GRIA1: variants seen among roughly 807,000 people sequenced by gnomAD.
GRIA1 encodes glutamate receptor 1.
Under a neutral mutation model 99.2 loss-of-function variants are expected in GRIA1, and 31 were observed. The observed-to-expected ratio is 0.31, with a 90% CI of 0.23 to 0.42. The LOEUF is 0.42. GRIA1 is among the 10% of genes least tolerant of loss of function. GRIA1 has a pLI of 1.00. For missense variants in GRIA1, 782 were observed against 1,157.5 expected, an observed-to-expected ratio of 0.68 and a Z score of 4.71; for synonymous variants, 438 against 432.4, an observed-to-expected ratio of 1.01 and a Z score of -0.16.
chr5:153,493,006 T>A (rs763866865), intron 1 of GRIA1, among the ~76,000 whole-genome samples: 9 of 152,232 alleles, frequency 5.9e-5, no homozygotes, highest in Admixed American at 6.5e-5. Context: ...TATGTAAACA[T>A]CATTATAGTT....
At chr5:153,770,687 A>G (rs537868115) in intron 13 of GRIA1, among the ~76,000 whole-genome samples, 2 of 152,226 alleles carry the variant, frequency 1.3e-5, no homozygotes, top group East Asian at 3.9e-4. Context: ...GTGAAACATC[A>G]ATGAACCTTG....
intron 7 of GRIA1, among the ~76,000 whole-genome samples, chr5:153,677,879 G>T (rs1756701981): frequency 6.6e-6 from 1 of 152,180 alleles, no homozygotes; most frequent in South Asian, 2.1e-4. Context: ...TGCTCTTGGG[G>T]CTCCTGTAGA....
At chr5:153,497,120 G>A (rs1754514785) in intron 2 of GRIA1, among the ~76,000 whole-genome samples, 1 of 152,086 alleles carries the variant, frequency 6.6e-6, no homozygotes, top group Non-Finnish European at 1.5e-5. Context: ...AGAGTTTGGT[G>A]CCTTCTTCGT....
chr5:153,589,488 A>C (rs1432815556), intron 2 of GRIA1, among the ~76,000 whole-genome samples: 2 of 152,202 alleles, frequency 1.3e-5, no homozygotes, highest in East Asian at 3.8e-4. Flanking sequence ...ATATAAATTT[A>C]TTATAAAAGG....
At position 153,650,505 on chromosome 5, in the gene GRIA1, C is replaced by T; in HGVS notation, c.636C>T (p.Ile212=). Reference sequence around the variant, plus strand: ...GTGAATCAGAACGCCTCAATGCTATCTTGGGCCAGGTAGTGAAAGCAGCAA... The same window carrying T: ...GTGAATCAGAACGCCTCAATGCTATTTTGGGCCAGGTAGTGAAAGCAGCAA... The part of the protein sequence containing the change: ...VDCESERLNA[I]LGQIIKLEKN... The change falls in exon 4 of 16, where the codon ATC becomes ATT. Residue 212 remains isoleucine, a synonymous_variant. Coordinates refer to ENST00000285900, the MANE Select transcript of GRIA1 (RefSeq NM_000827.4). 1 of 1,613,568 alleles carries T rather than the reference C, an allele frequency of 6.2e-7. No homozygotes were observed. Among genetic ancestry groups the T allele is most frequent in the Non-Finnish European group, 8.5e-7 (1 of 1,179,732 alleles).
intron 2 of GRIA1, among the ~76,000 whole-genome samples, chr5:153,502,516 A>C (rs951373247): frequency 6.6e-6 from 1 of 152,160 alleles, no homozygotes; most frequent in Non-Finnish European, 1.5e-5. Flanking sequence ...CCGCTGGACT[A>C]TTGTCATGAG....
At chr5:153,665,123 T>G (rs1287642275) in intron 5 of GRIA1, among the ~76,000 whole-genome samples, 1 of 152,176 alleles carries the variant, frequency 6.6e-6, no homozygotes, top group Non-Finnish European at 1.5e-5. Flanking sequence ...AGACCAACTA[T>G]TCCCAGGCCA....
chr5:153,744,954 C>A lies in GRIA1; in HGVS notation c.1824-19480C>A, dbSNP rs1416358684. On this transcript the variant is annotated intron_variant, in intron 11 of 15. Coordinates refer to ENST00000285900, the MANE Select transcript of GRIA1 (RefSeq NM_000827.4). ...CAGGCAGGCTTCTTGGAGGAGGTGG[C>A]ACTTGGAGCTGGACTTTAAATCATT... Among the ~76,000 whole-genome samples the A allele has an allele frequency of 3.3e-5, 5 of 152,170 alleles. No homozygotes were observed. In the East Asian group the frequency reaches 7.7e-4, roughly 23 times the overall value.
intron 1 of GRIA1, chr5:153,491,237 C>G: frequency 7.6e-7 from 1 of 1,311,458 alleles, no homozygotes; most frequent in Non-Finnish European, 9.7e-7. Context: ...GGAACCATCG[C>G]TTTGGAGGAA....
chr5:153,516,818 C>A (rs1348475806), intron 2 of GRIA1, among the ~76,000 whole-genome samples: 1 of 151,920 alleles, frequency 6.6e-6, no homozygotes, highest in African/African-American at 2.4e-5. Context: ...CGTTCCCATG[C>A]CAACTGAGGG....
At chr5:153,571,615 T>C (rs1479635247) in intron 2 of GRIA1, among the ~76,000 whole-genome samples, 1 of 152,202 alleles carries the variant, frequency 6.6e-6, no homozygotes, top group African/African-American at 2.4e-5. Context: ...CCATGAGCCA[T>C]AGTTTTCTGA....
chr5:153,746,998 C>G (rs1762201574), intron 11 of GRIA1, among the ~76,000 whole-genome samples: 1 of 152,174 alleles, frequency 6.6e-6, no homozygotes, highest in African/African-American at 2.4e-5. Context: ...CTCACTTGTT[C>G]TGTGACCTTA....
chr5:153,658,740 A>T (rs1300687393), intron 5 of GRIA1, among the ~76,000 whole-genome samples: 1 of 152,204 alleles, frequency 6.6e-6, no homozygotes, highest in East Asian at 1.9e-4. Context: ...GAGACCAAGG[A>T]AGGCTTTGAA....
chr5:153,760,108 G>A (rs1185378963), intron 11 of GRIA1, among the ~76,000 whole-genome samples: 1 of 152,078 alleles, frequency 6.6e-6, no homozygotes, highest in Non-Finnish European at 1.5e-5. Flanking sequence ...GGGAAAAGTT[G>A]AAAGCTTTTC....
At chr5:153,584,259 C>T (rs1181884042) in intron 2 of GRIA1, among the ~76,000 whole-genome samples, 2 of 152,224 alleles carry the variant, frequency 1.3e-5, no homozygotes, top group Non-Finnish European at 2.9e-5. Flanking sequence ...TCATCCATCA[C>T]TTACCCAGAA....
chr5:153,492,127 G>A, intron 1 of GRIA1: 1 of 1,415,314 alleles, frequency 7.1e-7, no homozygotes, highest in Non-Finnish European at 9.3e-7. Context: ...TCGCATTGCT[G>A]GGAGTTTGTG....
At chr5:153,673,622 G>A (rs867930504) in intron 5 of GRIA1, among the ~76,000 whole-genome samples, 66 of 152,220 alleles carry the variant, frequency 4.3e-4, no homozygotes, top group African/African-American at 1.4e-3. Context: ...CCTAAATGAC[G>A]CCTCTGCAAG....
At chr5:153,603,258 T>C (rs1387739925) in intron 2 of GRIA1, among the ~76,000 whole-genome samples, 1 of 152,216 alleles carries the variant, frequency 6.6e-6, no homozygotes, top group East Asian at 1.9e-4. Flanking sequence ...GAACTCATCA[T>C]TTTTTAAGGC....
intron 3 of GRIA1, among the ~76,000 whole-genome samples, chr5:153,648,321 T>C (rs770124755): frequency 4.6e-5 from 7 of 152,148 alleles, no homozygotes; most frequent in Non-Finnish European, 7.4e-5. Context: ...AGGACAGCTT[T>C]GCAGCATAAT....
Sources: gnomAD v4.1 joint callset for allele counts (sites outside exome capture counted in the v4.1 genomes callset) on GRCh38, gnomAD v4.1.1 for gene constraint, MANE v1.5 for transcripts, NCBI Gene and HGNC (gene_info 2026-07-23, HGNC 2026-07-21) for gene names.